The following TASP1 variants were observed in gnomAD, a reference collection of about 807,000 sequenced individuals.
TASP1 encodes taspase 1.
Under a neutral mutation model 56.6 loss-of-function variants are expected in TASP1, and 16 were observed. The ratio of observed to expected loss-of-function variants is 0.28; its 90% CI spans 0.19 to 0.43. The LOEUF (loss-of-function observed/expected upper bound fraction) is 0.43. Among genes scored for constraint, TASP1 ranks in the 20% least tolerant of loss-of-function variants. The pLI, the probability that TASP1 is intolerant of heterozygous loss-of-function variation, is 1.00. For synonymous variants in TASP1, 179 were observed against 184.2 expected, an observed-to-expected ratio of 0.97 and a Z score of 0.23; for missense variants, 393 against 511.6, an observed-to-expected ratio of 0.77 and a Z score of 2.24.
chr20:13,533,917 T>G, intron 9 of TASP1, 105 bp downstream of exon 9: 1 of 1,304,520 alleles, frequency 7.7e-7, no homozygotes, highest in Non-Finnish European at 1.1e-6. Flanking sequence ...ACAATGACAT[T>G]CATTTTTTCT....
chr20:13,496,557 T>C (rs2043738722), intron 10 of TASP1, among the ~76,000 whole-genome samples: 1 of 150,210 alleles, frequency 6.7e-6, no homozygotes, highest in South Asian at 2.1e-4. Flanking sequence ...TCATAAAAGA[T>C]GTATTCAAGA....
chr20:13,224,058 G>C, the TASP1 span, among the ~76,000 whole-genome samples: 3 of 151,988 alleles, frequency 2.0e-5, no homozygotes. Context: ...TGCCCCAAGA[G>C]GACACAACAA....
intron 13 of TASP1, among the ~76,000 whole-genome samples, chr20:13,394,497 AGCTATTC>A (rs1307145429): frequency 6.6e-6 from 1 of 152,048 alleles, no homozygotes; most frequent in Non-Finnish European, 1.5e-5. Flanking sequence ...CTGTAGTCCC[AGCTATTC>A]GGGAGGCTGA....
the TASP1 span, among the ~76,000 whole-genome samples, chr20:13,263,085 C>T: frequency 2.6e-5 from 4 of 152,150 alleles, no homozygotes; most frequent in Admixed American, 2.0e-4. Context: ...CTGAAGCATA[C>T]GTATGGCCGT....
At chr20:13,270,581 G>C in the TASP1 span, 70 of 1,613,916 alleles carry the variant, frequency 4.3e-5, no homozygotes, top group African/African-American at 7.2e-4. Flanking sequence ...GGGAGCATCT[G>C]GACCACCAGG....
intron 6 of TASP1, among the ~76,000 whole-genome samples, chr20:13,577,118 G>T (rs1463983830): frequency 1.3e-5 from 2 of 152,162 alleles, no homozygotes; most frequent in African/African-American, 4.8e-5. Flanking sequence ...GGGCAGAGAT[G>T]GGGGTCACGG....
chr20:13,359,520 T>A, the TASP1 span, among the ~76,000 whole-genome samples: 1 of 151,250 alleles, frequency 6.6e-6, no homozygotes, highest in Non-Finnish European at 1.5e-5. Context: ...GGTAAGCCCG[T>A]CCCCTTCTTA....
At chr20:13,153,859 G>T in the TASP1 span, 1 of 1,092,612 alleles carries the variant, frequency 9.2e-7, no homozygotes. Context: ...CTGCTCCCCA[G>T]GAGATATCTC....
At chr20:13,332,398 T>C in the TASP1 span, among the ~76,000 whole-genome samples, 1 of 152,210 alleles carries the variant, frequency 6.6e-6, no homozygotes, top group Non-Finnish European at 1.5e-5. Flanking sequence ...TTGCTCTAAG[T>C]AAACTTAAAT....
chr20:13,584,365 T>G (rs1392067349), intron 5 of TASP1, among the ~76,000 whole-genome samples: 1 of 152,138 alleles, frequency 6.6e-6, no homozygotes, highest in Non-Finnish European at 1.5e-5. Context: ...ACAAAAATGT[T>G]TAATTCCAAT....
the TASP1 span, chr20:13,153,939 G>T: frequency 6.3e-7 from 1 of 1,590,022 alleles, no homozygotes; most frequent in South Asian, 1.2e-5. Flanking sequence ...TTGCCAAGTT[G>T]ACCGGACCTT....
At chr20:13,305,221 C>T in the TASP1 span, among the ~76,000 whole-genome samples, 3 of 145,734 alleles carry the variant, frequency 2.1e-5, no homozygotes, top group Non-Finnish European at 4.5e-5. Flanking sequence ...AAAAAAAAAC[C>T]CTTAATTTTT....
the TASP1 span, among the ~76,000 whole-genome samples, chr20:13,329,240 A>C: frequency 6.6e-6 from 1 of 152,164 alleles, no homozygotes; most frequent in Admixed American, 6.5e-5. Flanking sequence ...ATGTGACTAT[A>C]TTTGGAGATA....
chr20:13,538,895 A>G (rs2045516023), intron 8 of TASP1, among the ~76,000 whole-genome samples: 1 of 152,104 alleles, frequency 6.6e-6, no homozygotes, highest in Non-Finnish European at 1.5e-5. Flanking sequence ...ATACAAAAAA[A>G]AAAATTAGCT....
At chr20:13,501,251 C>G (rs1358748714) in intron 10 of TASP1, among the ~76,000 whole-genome samples, 1 of 151,796 alleles carries the variant, frequency 6.6e-6, no homozygotes, top group African/African-American at 2.4e-5. Context: ...AAAACAATAC[C>G]AGAGAGAACC....
At chr20:13,400,805 T>C (rs2041708958) in intron 13 of TASP1, among the ~76,000 whole-genome samples, 1 of 152,244 alleles carries the variant, frequency 6.6e-6, no homozygotes, top group African/African-American at 2.4e-5. Flanking sequence ...ATTTTCAGTA[T>C]TGCTTTACTT....
the TASP1 span, among the ~76,000 whole-genome samples, chr20:13,357,073 G>A: frequency 6.6e-6 from 1 of 152,118 alleles, no homozygotes; most frequent in African/African-American, 2.4e-5. Flanking sequence ...AAGAAGCTTG[G>A]TTCCTCATTC....
Position 13,625,220 on chromosome 20 carries a change from C to T in TASP1, c.178G>A (p.Glu60Lys). Residue 60 changes from glutamate (E) to lysine (K), a missense_variant, in exon 3 of 14, where the codon GAG becomes AAG. Glu to Lys is a moderately conservative substitution (Grantham distance 56, BLOSUM62 1). This residue lies in a region of TASP1 where 48 missense variants were observed against 106.2 expected (regional missense o/e 0.45). Transcript: ENST00000337743. ...GCTCGTTTGCATACATGTTTATACT[C>T]CTTGGCTTTGGATTCAGAATGATAA... ...AGYHSESKAK[E>K]YKHVCKRACQ... 3 of 1,611,622 alleles carry T rather than the reference C, an allele frequency of 1.9e-6. No homozygotes were observed. The highest frequency in any genetic ancestry group is 2.5e-6 in the Non-Finnish European group (3 of 1,179,184).
chr20:13,500,029 G>C (rs2043886218), intron 10 of TASP1, among the ~76,000 whole-genome samples: 1 of 151,698 alleles, frequency 6.6e-6, no homozygotes, highest in African/African-American at 2.4e-5. Flanking sequence ...CTACTGGGTA[G>C]AGTGTTCACA....
Sources: allele counts gnomAD v4.1 joint callset (sites outside exome capture counted in the v4.1 genomes callset), GRCh38; gene constraint gnomAD v4.1.1; regional missense constraint gnomAD v4.1.1; transcripts MANE v1.5; gene names NCBI Gene and HGNC (gene_info 2026-07-23, HGNC 2026-07-21).